SH2B3: variants seen among roughly 807,000 people sequenced by gnomAD.
The protein encoded by SH2B3 is SH2B adapter protein 3.
A neutral mutation model predicts 51.9 loss-of-function variants in SH2B3; 43 were observed. That is an observed-to-expected ratio of 0.83 (90% confidence interval 0.65 to 1.07). The LOEUF (loss-of-function observed/expected upper bound fraction) is 1.07, where lower values mean the gene tolerates loss of function less well. Among genes scored for constraint, SH2B3 ranks in the 50% least tolerant of loss-of-function variants. The pLI is 0.00. For missense variants in SH2B3, 952 were observed against 834.3 expected, an observed-to-expected ratio of 1.14 and a Z score of -1.74; for synonymous variants, 396 against 376.0, an observed-to-expected ratio of 1.05 and a Z score of -0.62.
intron 2 of SH2B3, among the ~76,000 whole-genome samples, chr12:111,420,713 G>C (rs1190152825): frequency 1.3e-5 from 2 of 152,222 alleles, no homozygotes; most frequent in African/African-American, 2.4e-5. Flanking sequence ...TGGGGGACCA[G>C]GCGGGCCTAG....
rs1338872158 is a variant in SH2B3 at position 111,410,911 on chromosome 12, G to T, written c.-28+4634G>T. On this transcript the variant is annotated intron_variant, in intron 1 of 7. Coordinates refer to ENST00000341259, the MANE Select transcript of SH2B3 (RefSeq NM_005475.3). The surrounding 1 kb of genome is among the most constrained non-coding windows in gnomAD (Gnocchi z 4.9). ...AACAGTTGGTGCTAGGCATGGGGAA[G>T]ATAGAAATGTTCCTTGTGGCCTAGA... 6.6e-6 allele frequency among the ~76,000 whole-genome samples: 1 copy of T among 152,210 alleles called. No homozygotes were observed. The highest frequency in any genetic ancestry group is 1.5e-5 in the Non-Finnish European group (1 of 68,040).
At chr12:111,443,009 C>A (rs1479303631) in intron 2 of SH2B3, among the ~76,000 whole-genome samples, 1 of 152,248 alleles carries the variant, frequency 6.6e-6, no homozygotes, top group Non-Finnish European at 1.5e-5. Context: ...TCTAGAAGGA[C>A]CATCCTGGCC....
In SH2B3 at chr12:111,410,113, G is replaced by C. The variant is rs1280933279; in HGVS notation, c.-28+3836G>C. Among the ~76,000 whole-genome samples the C allele has an allele frequency of 6.6e-6, 1 of 152,176 alleles. No homozygotes were observed. Among genetic ancestry groups the C allele is most frequent in the Admixed American group, 6.5e-5 (1 of 15,280 alleles). ...AGGACATGTGTCCCCAGGGAGGCCT[G>C]GGAGGAAGGAAGTCTATGCCCTCCT... On this transcript the variant is annotated intron_variant, in intron 1 of 7. Coordinates refer to ENST00000341259, the MANE Select transcript of SH2B3 (RefSeq NM_005475.3). The surrounding 1 kb of genome is among the most constrained non-coding windows in gnomAD (Gnocchi z 4.9).
chr12:111,423,762 TG>T (rs1871756791), intron 2 of SH2B3, among the ~76,000 whole-genome samples: 2 of 152,270 alleles, frequency 1.3e-5, no homozygotes, highest in South Asian at 4.2e-4. Context: ...GCAGATTACC[TG>T]AGATTGGGAG....
At chr12:111,423,406 G>C (rs1421346491) in intron 2 of SH2B3, among the ~76,000 whole-genome samples, 3 of 152,066 alleles carry the variant, frequency 2.0e-5, no homozygotes, top group Non-Finnish European at 4.4e-5. Context: ...GTCTTGCTCT[G>C]TTGCCCAGGC....
chr12:111,432,301 C>T (rs1223781535), intron 2 of SH2B3, among the ~76,000 whole-genome samples: 1 of 152,048 alleles, frequency 6.6e-6, no homozygotes, highest in Non-Finnish European at 1.5e-5. Context: ...AGCTGCCTGC[C>T]TCAGCCTCCC....
In SH2B3 at chr12:111,447,414, T is replaced by A; in HGVS notation, c.1106T>A (p.Ile369Asn). Reference protein sequence around the residue: ...LSCYPWFHGPISRVKAAQLVQ... With the variant: ...LSCYPWFHGPNSRVKAAQLVQ... ...TGCTACCCCTGGTTCCACGGCCCCA[T>A]CTCCAGAGTGAAAGCAGCTCAGCTG... The change falls in exon 6 of 8, where the codon ATC (isoleucine) becomes AAC (asparagine). Residue 369 changes from isoleucine to asparagine, a missense_variant. Transcript: ENST00000341259. The A allele has an allele frequency of 6.2e-7, 1 of 1,613,990 alleles. No homozygotes were observed. The highest frequency in any genetic ancestry group is 8.5e-7 in the Non-Finnish European group (1 of 1,179,946).
intron 2 of SH2B3, among the ~76,000 whole-genome samples, chr12:111,441,213 C>T (rs1873377851): frequency 6.6e-6 from 1 of 151,898 alleles, no homozygotes; most frequent in African/African-American, 2.4e-5. Context: ...CTATCTCTAT[C>T]TCTACAAAAA....
At position 111,409,300 on chromosome 12, in the gene SH2B3, A is replaced by C. The variant is rs1461631855; in HGVS notation, c.-28+3023A>C. ...AACTCCCTGTTAGGGTGGTTTTGAG[A>C]AAAGGAGGCATGCACAGTGCCCGGC... is the stretch of plus-strand genomic sequence containing the variant. On this transcript the variant is annotated intron_variant, in intron 1 of 7. Coordinates refer to ENST00000341259, the MANE Select transcript of SH2B3 (RefSeq NM_005475.3). The surrounding 1 kb of genome is among the most constrained non-coding windows in gnomAD (Gnocchi z 4.0). 3.3e-5 allele frequency among the ~76,000 whole-genome samples: 5 copies of C among 152,140 alleles called. No homozygotes were observed.
intron 2 of SH2B3, among the ~76,000 whole-genome samples, chr12:111,439,695 G>C (rs1369912434): frequency 6.6e-6 from 1 of 152,246 alleles, no homozygotes; most frequent in Non-Finnish European, 1.5e-5. Flanking sequence ...TGTAGCTGCA[G>C]GGGAGTTTTG....
At position 111,418,206 on chromosome 12, in the gene SH2B3, G is replaced by A. The variant is rs1299854240; in HGVS notation, c.61G>A (p.Ala21Thr). 1 of 1,577,496 alleles carries A rather than the reference G, an allele frequency of 6.3e-7. No individual in the cohort carries two copies. The highest frequency in any genetic ancestry group is 8.5e-7 in the Non-Finnish European group (1 of 1,172,230). The change falls in exon 2 of 8, where the codon GCG (alanine) becomes ACG (threonine). Residue 21 changes from alanine (A) to threonine (T), a missense_variant. By Grantham distance (58) the Ala-to-Thr change is moderately conservative. Coordinates refer to ENST00000341259, the MANE Select transcript of SH2B3 (RefSeq NM_005475.3). The surrounding 1 kb of genome is among the most constrained non-coding windows in gnomAD (Gnocchi z 6.7). The part of the protein sequence containing the change: ...PSSAPSASPA[A>T]APRGWSEFCE... ...TTCCGCGCCCTCAGCCTCCCCGGCG[G>A]CGGCCCCGCGGGGCTGGAGCGAGTT...
At chr12:111,434,542 T>G (rs1253807751) in intron 2 of SH2B3, among the ~76,000 whole-genome samples, 3 of 152,224 alleles carry the variant, frequency 2.0e-5, no homozygotes, top group African/African-American at 7.2e-5. Context: ...CGATTTGACT[T>G]TTCAATTTTG....
chr12:111,419,794 C>G (rs550247770), intron 2 of SH2B3, among the ~76,000 whole-genome samples: 1 of 152,230 alleles, frequency 6.6e-6, no homozygotes, highest in African/African-American at 2.4e-5. Flanking sequence ...ATTAGCTAAA[C>G]GCCACTGTTC....
At chr12:111,428,868 C>G (rs983795445) in intron 2 of SH2B3, among the ~76,000 whole-genome samples, 1 of 151,364 alleles carries the variant, frequency 6.6e-6, no homozygotes, top group Admixed American at 6.6e-5. Flanking sequence ...AACTGAGACC[C>G]GGGGAGGCCA....
chr12:111,440,211 G>A (rs918154669), intron 2 of SH2B3, among the ~76,000 whole-genome samples: 1 of 152,240 alleles, frequency 6.6e-6, no homozygotes, highest in African/African-American at 2.4e-5. Context: ...CCCCTTGGAG[G>A]TCTCTTGAGC....
intron 2 of SH2B3, among the ~76,000 whole-genome samples, chr12:111,427,278 C>T (rs916552821): frequency 1.3e-4 from 20 of 151,474 alleles, no homozygotes; most frequent in Admixed American, 1.2e-3. Flanking sequence ...CCCAGCTACT[C>T]GGGAGGCTGA....
Position 111,438,269 on chromosome 12 carries a change from C to T in SH2B3, c.733-8484C>T, listed in dbSNP as rs143092860. ...GAGGATTGGAGCCCTGGCTCAACTT[C>T]GCTATTCCCCATGGCTGGGGCACTG... On this transcript the variant is annotated intron_variant, in intron 2 of 7. Transcript: ENST00000341259. This position sits in a 1 kb window ranked among gnomAD's most constrained non-coding sequence, Gnocchi z 4.2. Among the ~76,000 whole-genome samples the T allele has an allele frequency of 1.3e-5, 2 of 152,226 alleles. No homozygotes were observed. Among genetic ancestry groups the T allele is most frequent in the East Asian group, 3.9e-4 (2 of 5,166 alleles).
At chr12:111,423,948 A>C (rs1565974288) in intron 2 of SH2B3, among the ~76,000 whole-genome samples, 1 of 152,178 alleles carries the variant, frequency 6.6e-6, no homozygotes, top group Non-Finnish European at 1.5e-5. Flanking sequence ...CCCCGTCTCT[A>C]CTGAAAATAC....
intron 1 of SH2B3, among the ~76,000 whole-genome samples, chr12:111,417,460 T>TTTTTTTTATTTATTTATTTATTTATTTA (rs1555223973): frequency 2.7e-5 from 4 of 147,132 alleles, no homozygotes; most frequent in Admixed American, 2.7e-4. Context: ...AGGGCCTTTA[T>TTTTTTTTATTTATTTATTTATTTATTTA]TTTATTTATT....
Sources: gnomAD v4.1 joint callset for allele counts (sites outside exome capture counted in the v4.1 genomes callset) on GRCh38, gnomAD v4.1.1 for gene constraint, Gnocchi (gnomAD v3.1) non-coding constraint, MANE v1.5 for transcripts, NCBI Gene and HGNC (gene_info 2026-07-23, HGNC 2026-07-21) for gene names.